The following SMARCA4 variants were observed in gnomAD, a reference collection of about 807,000 sequenced individuals.
SMARCA4 encodes the protein SWI/SNF-related matrix-associated actin-dependent regulator of chromatin subfamily A member 4.
In SMARCA4, 31 loss-of-function variants were observed where a neutral mutation model predicts 193.9. The ratio of observed to expected loss-of-function variants is 0.16; its 90% CI spans 0.12 to 0.22. The LOEUF (loss-of-function observed/expected upper bound fraction) is 0.22. Among genes scored for constraint, SMARCA4 ranks in the 10% least tolerant of loss-of-function variants. SMARCA4 has a pLI of 1.00. For synonymous variants in SMARCA4, 942 were observed against 933.1 expected (o/e 1.01, Z -0.17); for missense variants, 1,148 against 2,296.0 (o/e 0.50, Z 10.22).
Position 11,003,537 on chromosome 19 carries a change from G to A in SMARCA4, c.2001+140G>A, listed in dbSNP as rs139919034. 5.2e-4 allele frequency: 413 copies of A among 793,626 alleles called. 8 individuals carry two copies. The East Asian group carries it at 9.9e-3, about 19-fold the overall frequency. The allele number at this position is 793,626 out of a possible 1,614,324, so 49.2% of individuals were successfully genotyped here. A position where few individuals can be genotyped will look rare whatever the true frequency, so the allele number is the denominator to read the frequency against. On this transcript the variant is annotated intron_variant, in intron 13 of 34. Coordinates refer to ENST00000344626, the MANE Select transcript of SMARCA4 (RefSeq NM_003072.5). ...GCAGGGCCCAGGCCTGCCCGAAGTC[G>A]GTGCTTTAGAGCTGTCCTATCCAAT...
intron 15 of SMARCA4, 39 bp downstream of exon 15, chr19:11,010,570 C>T (rs1179354597): frequency 3.1e-6 from 5 of 1,604,664 alleles, no homozygotes; most frequent in Non-Finnish European, 3.4e-6. Flanking sequence ...CACGTAGCTG[C>T]CTCGGTGCAG....
At chr19:10,961,863 T>C (rs926122543) in intron 1 of SMARCA4, 2 of 152,226 alleles carry the variant, frequency 1.3e-5, no homozygotes, top group Non-Finnish European at 2.9e-5. Flanking sequence ...TGCTTTTCTT[T>C]TGCATCCTTT....
chr19:11,010,959 G>A (rs941299116), intron 15 of SMARCA4: 4 of 258,690 alleles, frequency 1.5e-5, no homozygotes, highest in Admixed American at 9.2e-5. Context: ...GTGAAACGGC[G>A]AGCGTCAGGA....
intron 13 of SMARCA4, among the ~76,000 whole-genome samples, chr19:11,006,009 T>G (rs1417000573): frequency 6.6e-6 from 1 of 152,246 alleles, no homozygotes; most frequent in Non-Finnish European, 1.5e-5. Flanking sequence ...TTTTCTTGCC[T>G]AAAATGTCGG....
In SMARCA4 at chr19:11,041,248, G is replaced by A. The variant is rs758647808; in HGVS notation, c.4171-59G>A. ...AGCCCGGCCCCTGGGATTGCGTCGC[G>A]GCCTCTGCTTGTCGACCTGGGTGCT... is the stretch of plus-strand genomic sequence containing the variant. On this transcript the variant is annotated intron_variant, in intron 29 of 34. Transcript: ENST00000344626. This position sits in a 1 kb window ranked among gnomAD's most constrained non-coding sequence, Gnocchi z 5.6. 25 of 1,554,666 alleles carry A rather than the reference G, an allele frequency of 1.6e-5. No individual in the cohort carries two copies. Among genetic ancestry groups the A allele is most frequent in the East Asian group, 2.3e-5 (1 of 44,152 alleles).
intron 34 of SMARCA4, 44 bp from the exon 35 acceptor site, chr19:11,061,740 C>T (rs2076912563): frequency 6.2e-7 from 1 of 1,601,410 alleles, no homozygotes; most frequent in Non-Finnish European, 8.5e-7. Flanking sequence ...GGTGCCCTGG[C>T]AGGGGTGGCC....
chr19:11,011,909 T>C (rs536721832), intron 15 of SMARCA4: 2 of 152,296 alleles, frequency 1.3e-5, no homozygotes, highest in African/African-American at 4.8e-5. Context: ...AGGTCAGAAA[T>C]GGAGCAGGTC....
intron 30 of SMARCA4, among the ~76,000 whole-genome samples, chr19:11,048,041 G>A (rs571783788): frequency 7.7e-4 from 117 of 152,100 alleles, no homozygotes; most frequent in African/African-American, 1.1e-3. Flanking sequence ...AAGCTTCCTC[G>A]CCACCGACTG....
rs1800803056 is a variant in SMARCA4 at position 11,034,684 on chromosome 19, C to T, written c.3952-230C>T. On this transcript the variant is annotated intron_variant, in intron 28 of 34. Coordinates refer to ENST00000344626, the MANE Select transcript of SMARCA4 (RefSeq NM_003072.5). The surrounding 1 kb of genome is among the most constrained non-coding windows in gnomAD (Gnocchi z 7.0). ...GGGGTCTGCAGCCCTCTTGTGCAAC[C>T]TTCCATCTTTTCGAGTTTCCTCTGC... Among the ~76,000 whole-genome samples the T allele has an allele frequency of 6.6e-6, 1 of 152,218 alleles. No individual in the cohort carries two copies. Among genetic ancestry groups the T allele is most frequent in the Non-Finnish European group, 1.5e-5 (1 of 68,042 alleles).
intron 11 of SMARCA4, 107 bp downstream of exon 11, chr19:10,996,651 G>A: frequency 9.3e-7 from 1 of 1,079,302 alleles, no homozygotes; most frequent in Non-Finnish European, 1.4e-6. Flanking sequence ...AATGATATGT[G>A]ATGATGGTGA....
At chr19:11,039,388 C>A in intron 29 of SMARCA4, 2 of 833,142 alleles carry the variant, frequency 2.4e-6, no homozygotes, top group Admixed American at 2.8e-5. Context: ...TGCCCAAGAA[C>A]AAGGGGAGGC....
Position 11,033,605 on chromosome 19 carries a change from A to G in SMARCA4, c.3774+88A>G, listed in dbSNP as rs1034340523. 3 of 1,022,828 alleles carry G rather than the reference A, an allele frequency of 2.9e-6. No individual in the cohort carries two copies. The highest frequency in any genetic ancestry group is 1.5e-6 in the Non-Finnish European group (1 of 649,122). The allele number at this position is 1,022,828 out of a possible 1,614,324, so 63.4% of individuals were successfully genotyped here. On this transcript the variant is annotated intron_variant, in intron 26 of 34. Coordinates refer to ENST00000344626, the MANE Select transcript of SMARCA4 (RefSeq NM_003072.5). The surrounding 1 kb of genome is among the most constrained non-coding windows in gnomAD (Gnocchi z 9.8). ...ATTTTTGTTTTTTTACCTTTTTTGCACTCTTATTTTTTTTGCATCCCTTTG... is the reference window on the plus strand; with the variant it reads ...ATTTTTGTTTTTTTACCTTTTTTGCGCTCTTATTTTTTTTGCATCCCTTTG...
chr19:10,987,563 C>A lies in SMARCA4; in HGVS notation c.860-103C>A. 1 of 1,364,874 alleles carries A rather than the reference C, an allele frequency of 7.3e-7. No homozygotes were observed. Among genetic ancestry groups the A allele is most frequent in the Non-Finnish European group, 1.0e-6 (1 of 961,156 alleles). The allele number at this position is 1,364,874 out of a possible 1,614,324, so 84.5% of individuals were successfully genotyped here. On this transcript the variant is annotated intron_variant, in intron 5 of 34. Transcript: ENST00000344626. The surrounding 1 kb of genome is among the most constrained non-coding windows in gnomAD (Gnocchi z 5.3). ...GTGAAAGGTGGGAGATGGGCGGGGTCTGCCTGTCCCCAGTGCCTCAAGCAG... is the reference window on the plus strand; with the variant it reads ...GTGAAAGGTGGGAGATGGGCGGGGTATGCCTGTCCCCAGTGCCTCAAGCAG...
rs746533073 is a variant in SMARCA4 at position 11,034,996 on chromosome 19, C to T, written c.4034C>T (p.Ser1345Leu). 1 of 1,610,416 alleles carries T rather than the reference C, an allele frequency of 6.2e-7. No homozygotes were observed. Among genetic ancestry groups the T allele is most frequent in the Non-Finnish European group, 8.5e-7 (1 of 1,178,840 alleles). The change falls in exon 29 of 35, where the codon TCG becomes TTG. Residue 1345 changes from serine to leucine, a missense_variant. Physicochemically the swap from Ser to Leu is moderately radical, Grantham distance 145 (BLOSUM62 -2). Coordinates refer to ENST00000344626, the MANE Select transcript of SMARCA4 (RefSeq NM_003072.5). This position sits in a 1 kb window ranked among gnomAD's most constrained non-coding sequence, Gnocchi z 7.0. ...PRLMEEDELP[S>L]WIIKDDAEVE... is the part of the protein sequence containing the mutation. The stretch of plus-strand genomic sequence containing the variant: ...CTCATGGAGGAGGACGAGCTCCCCT[C>T]GTGGATCATCAAGGACGACGCGGAG...
intron 30 of SMARCA4, among the ~76,000 whole-genome samples, chr19:11,045,463 A>G (rs2075849781): frequency 6.6e-6 from 1 of 152,148 alleles, no homozygotes; most frequent in Non-Finnish European, 1.5e-5. Flanking sequence ...TACTGGGGAT[A>G]TTCTCTCTAT....
chr19:10,987,740 T>C lies in SMARCA4; in HGVS notation c.934T>C (p.Ser312Pro). The C allele has an allele frequency of 6.2e-7, 1 of 1,602,160 alleles. No individual in the cohort carries two copies. The highest frequency in any genetic ancestry group is 1.7e-5 in the Admixed American group (1 of 59,302). ...TCCCCCGCAGCCAACGGGCCGCCCT[T>C]CCCCCGCGCCCCCTGCCGTCCCACC... is the stretch of plus-strand genomic sequence containing the variant. ...LIPPQPTGRPSPAPPAVPPAA... is the reference protein window; with the variant it reads ...LIPPQPTGRPPPAPPAVPPAA... Residue 312 changes from serine to proline, a missense_variant, in exon 6 of 35, where the codon TCC becomes CCC. Ser to Pro is a moderately conservative substitution (Grantham distance 74, BLOSUM62 -1). Around this residue, in one of 17 missense-constraint regions of SMARCA4, gnomAD observed 257 missense variants for 276.5 expected, o/e 0.93. Coordinates refer to ENST00000344626, the MANE Select transcript of SMARCA4 (RefSeq NM_003072.5). This position sits in a 1 kb window ranked among gnomAD's most constrained non-coding sequence, Gnocchi z 5.3.
rs1428024238 is a variant in SMARCA4, at chr19:11,034,101, C to T, written c.3874-22C>T. 1 of 1,604,614 alleles carries T rather than the reference C, an allele frequency of 6.2e-7. No individual in the cohort carries two copies. Among genetic ancestry groups the T allele is most frequent in the Non-Finnish European group, 8.5e-7 (1 of 1,172,066 alleles). ...CCACCCCGGCCCCTCCTCAGCGGCA[C>T]TGACAGTTTGCAATCTTATAGGAGG... On this transcript the variant is annotated intron_variant, in intron 27 of 34. Coordinates refer to ENST00000344626, the MANE Select transcript of SMARCA4 (RefSeq NM_003072.5). This position sits in a 1 kb window ranked among gnomAD's most constrained non-coding sequence, Gnocchi z 7.0.
At chr19:10,992,378 A>G (rs1428377841) in intron 8 of SMARCA4, among the ~76,000 whole-genome samples, 1 of 151,464 alleles carries the variant, frequency 6.6e-6, no homozygotes. Flanking sequence ...TGGCCTCTCA[A>G]AGTGCTAAGA....
rs1256824441 is a variant in SMARCA4, at chr19:11,030,974, G to A, written c.3546+81G>A. 1 of 1,325,916 alleles carries A rather than the reference G, an allele frequency of 7.5e-7. No homozygotes were observed. Among genetic ancestry groups the A allele is most frequent in the Non-Finnish European group, 1.1e-6 (1 of 947,494 alleles). 82.1% of individuals were successfully genotyped at this position (1,325,916 alleles called of 1,614,324 possible). A position where few individuals can be genotyped will look rare whatever the true frequency, so the allele number is the denominator to read the frequency against. ...TCGAGGAGACGGCCCTGGCTTGAGG[G>A]TCCTCCAGCCTCCTCCACATTGTCT... On this transcript the variant is annotated intron_variant, in intron 25 of 34. Transcript: ENST00000344626. This position sits in a 1 kb window ranked among gnomAD's most constrained non-coding sequence, Gnocchi z 5.5.
Sources: gnomAD v4.1 joint callset for allele counts (sites outside exome capture counted in the v4.1 genomes callset) on GRCh38, gnomAD v4.1.1 for gene constraint, gnomAD v4.1.1 regional missense constraint, Gnocchi (gnomAD v3.1) non-coding constraint, MANE v1.5 for transcripts, NCBI Gene and HGNC (gene_info 2026-07-23, HGNC 2026-07-21) for gene names.